RABGEF1: variants seen among roughly 807,000 people sequenced by gnomAD.
The protein encoded by RABGEF1 is rab5 GDP/GTP exchange factor.
A neutral mutation model predicts 57.3 loss-of-function variants in RABGEF1; 26 were observed. The ratio of observed to expected loss-of-function variants is 0.45; its 90% CI spans 0.33 to 0.63. RABGEF1 has a LOEUF of 0.63. Ranked by LOEUF, RABGEF1 falls within the 20% of genes least tolerant of loss-of-function variation. The pLI is 0.02. For missense variants in RABGEF1, 464 were observed against 607.6 expected (o/e 0.76, Z 2.48); for synonymous variants, 185 against 210.7 (o/e 0.88, Z 1.06).
At chr7:66,760,461 G>A (rs558910769) in intron 1 of RABGEF1, among the ~76,000 whole-genome samples, 2 of 53,528 alleles carry the variant, frequency 3.7e-5, no homozygotes, top group South Asian at 1.1e-3. Context: ...TTTTTTTTTT[G>A]GAGACAGAGT....
chr7:66,662,191 A>G, the RABGEF1 span, among the ~76,000 whole-genome samples: 1 of 151,092 alleles, frequency 6.6e-6, no homozygotes, highest in Non-Finnish European at 1.5e-5. Flanking sequence ...GTGAGCCAAG[A>G]TCGTACCACT....
the RABGEF1 span, among the ~76,000 whole-genome samples, chr7:66,657,442 A>C: frequency 6.6e-6 from 1 of 152,248 alleles, no homozygotes; most frequent in Non-Finnish European, 1.5e-5. Context: ...GAGATGAATG[A>C]AAATGAAAAC....
chr7:66,710,125 A>G (rs1304120748), intron 1 of RABGEF1, among the ~76,000 whole-genome samples: 1 of 152,230 alleles, frequency 6.6e-6, no homozygotes, highest in Non-Finnish European at 1.5e-5. Context: ...AATTTCATAT[A>G]AATGAAATCA....
At chr7:66,782,591 C>T (rs1432840061) in intron 3 of RABGEF1, among the ~76,000 whole-genome samples, 1 of 151,674 alleles carries the variant, frequency 6.6e-6, no homozygotes, top group Non-Finnish European at 1.5e-5. Flanking sequence ...CTGCTTTAAC[C>T]CCCACAAATA....
upstream of RABGEF1, among the ~76,000 whole-genome samples, chr7:66,678,400 C>T (rs1403083375): frequency 6.6e-6 from 1 of 150,862 alleles, no homozygotes; most frequent in East Asian, 2.0e-4. Context: ...CCTGTTTCTA[C>T]TAAAAATACA....
chr7:66,777,192 T>C (rs1394948134), intron 3 of RABGEF1, among the ~76,000 whole-genome samples: 1 of 152,256 alleles, frequency 6.6e-6, no homozygotes, highest in Non-Finnish European at 1.5e-5. Flanking sequence ...AAGGTCTGTT[T>C]CTTGATGATA....
chr7:66,799,641 A>T (rs551786345), intron 7 of RABGEF1, among the ~76,000 whole-genome samples: 1 of 152,026 alleles, frequency 6.6e-6, no homozygotes, highest in African/African-American at 2.4e-5. Flanking sequence ...TGGGCATTAA[A>T]CTAAACTAAG....
chr7:66,677,871 G>A (rs191767271), upstream of RABGEF1, among the ~76,000 whole-genome samples: 2 of 151,286 alleles, frequency 1.3e-5, no homozygotes, highest in African/African-American at 4.9e-5. Flanking sequence ...TTTGAGACCA[G>A]CCTGGCAACA....
At chr7:66,800,586 C>A (rs1440278108) in intron 7 of RABGEF1, among the ~76,000 whole-genome samples, 3 of 152,208 alleles carry the variant, frequency 2.0e-5, no homozygotes, top group African/African-American at 7.2e-5. Context: ...CTGCCCCCCG[C>A]ACCTTTTGCT....
intron 1 of RABGEF1, among the ~76,000 whole-genome samples, chr7:66,701,765 C>A (rs62466139): frequency 0.037 from 5,561 of 152,158 alleles, 156 homozygotes; most frequent in East Asian, 0.085. Context: ...ACCTCAGCCT[C>A]ATTTATATTG....
intron 1 of RABGEF1, among the ~76,000 whole-genome samples, chr7:66,684,664 T>G (rs1384225528): frequency 6.6e-5 from 10 of 152,126 alleles, no homozygotes; most frequent in Admixed American, 6.5e-4. Context: ...ATACTGAGTC[T>G]CACTCTGTCA....
chr7:66,670,371 G>T, the RABGEF1 span, among the ~76,000 whole-genome samples: 1 of 149,832 alleles, frequency 6.7e-6, no homozygotes, highest in East Asian at 2.0e-4. Context: ...GGGTGACATA[G>T]TACCTAGAAG....
At chr7:66,671,345 A>G in the RABGEF1 span, among the ~76,000 whole-genome samples, 1 of 152,040 alleles carries the variant, frequency 6.6e-6, no homozygotes, top group East Asian at 1.9e-4. Flanking sequence ...ACACCTGGCT[A>G]TCCTACGCAA....
chr7:66,737,974 G>A (rs1218910216), upstream of RABGEF1, among the ~76,000 whole-genome samples: 1 of 151,698 alleles, frequency 6.6e-6, no homozygotes, highest in Non-Finnish European at 1.5e-5. Flanking sequence ...AGGCCGCTCC[G>A]GTCTATTTTA....
intron 1 of RABGEF1, among the ~76,000 whole-genome samples, chr7:66,745,473 T>C (rs1242185757): frequency 1.3e-5 from 2 of 151,864 alleles, no homozygotes; most frequent in Non-Finnish European, 2.9e-5. Flanking sequence ...TCAGTAAAGT[T>C]ATCACACCAT....
intron 2 of RABGEF1, chr7:66,773,846 T>A (rs1350798082): frequency 2.4e-6 from 1 of 419,072 alleles, no homozygotes; most frequent in Non-Finnish European, 4.8e-6. Context: ...TTGTATTTTA[T>A]GTAGAGACAG....
chr7:66,692,887 G>C (rs1457208079), intron 1 of RABGEF1, among the ~76,000 whole-genome samples: 2 of 152,198 alleles, frequency 1.3e-5, no homozygotes, highest in African/African-American at 4.8e-5. Flanking sequence ...CTACATCCTG[G>C]CTGGACCCTA....
chr7:66,773,263 C>A (rs1807661309), intron 2 of RABGEF1, among the ~76,000 whole-genome samples: 1 of 152,106 alleles, frequency 6.6e-6, no homozygotes, highest in African/African-American at 2.4e-5. Flanking sequence ...ATGCCTGATG[C>A]TGTCAGTAGC....
At chr7:66,655,137 G>A in the RABGEF1 span, among the ~76,000 whole-genome samples, 1 of 152,246 alleles carries the variant, frequency 6.6e-6, no homozygotes, top group Non-Finnish European at 1.5e-5. Flanking sequence ...TCGCCCTGGG[G>A]GGACAGAAGC....
Sources: gnomAD v4.1 joint callset for allele counts (sites outside exome capture counted in the v4.1 genomes callset) on GRCh38, gnomAD v4.1.1 for gene constraint, MANE v1.5 for transcripts, NCBI Gene and HGNC (gene_info 2026-07-23, HGNC 2026-07-21) for gene names.